The following EBF1 variants were observed in gnomAD, a reference collection of about 807,000 sequenced individuals.
The protein encoded by EBF1 is transcription factor COE1.
EBF1 carries 10 observed loss-of-function variants against 68.4 expected under a neutral mutation model. The observed-to-expected ratio is 0.15, with a 90% CI of 0.09 to 0.25. EBF1 has a LOEUF of 0.25. Ranked by LOEUF, EBF1 falls within the 10% of genes least tolerant of loss-of-function variation. The probability of loss-of-function intolerance (pLI) is 1.00; values close to 1 mark genes in which losing one functional copy is unlikely to be tolerated. For missense variants in EBF1, 509 were observed against 794.4 expected, an observed-to-expected ratio of 0.64 and a Z score of 4.32; for synonymous variants, 298 against 299.8, an observed-to-expected ratio of 0.99 and a Z score of 0.06.
chr5:158,724,319 CGAGAAA>C (rs1402875230), intron 11 of EBF1, among the ~76,000 whole-genome samples: 2 of 152,014 alleles, frequency 1.3e-5, no homozygotes, highest in Admixed American at 1.3e-4. Flanking sequence ...AGTAAATACA[CGAGAAA>C]GAGAAAGAGA....
At chr5:158,880,415 A>C (rs1798674388) in intron 6 of EBF1, among the ~76,000 whole-genome samples, 1 of 152,218 alleles carries the variant, frequency 6.6e-6, no homozygotes, top group African/African-American at 2.4e-5. Context: ...CGAAAAATTT[A>C]TTCTCAATCT....
intron 6 of EBF1, among the ~76,000 whole-genome samples, chr5:159,017,482 T>C (rs929837750): frequency 1.3e-5 from 2 of 152,178 alleles, no homozygotes; most frequent in Non-Finnish European, 2.9e-5. Flanking sequence ...GCTTGCCATC[T>C]CTCTCAACCC....
intron 6 of EBF1, among the ~76,000 whole-genome samples, chr5:158,894,195 T>C (rs1438092195): frequency 1.3e-5 from 2 of 152,212 alleles, no homozygotes; most frequent in Non-Finnish European, 2.9e-5. Context: ...AGAGTATTGA[T>C]TGCATCATGA....
At chr5:159,003,017 G>A (rs989369878) in intron 6 of EBF1, among the ~76,000 whole-genome samples, 2 of 152,202 alleles carry the variant, frequency 1.3e-5, no homozygotes, top group African/African-American at 4.8e-5. Flanking sequence ...AGTTTGGGAT[G>A]CTTCTACTGC....
intron 10 of EBF1, among the ~76,000 whole-genome samples, chr5:158,757,733 C>T (rs921607599): frequency 3.9e-5 from 6 of 152,042 alleles, no homozygotes; most frequent in Non-Finnish European, 7.4e-5. Flanking sequence ...TGTAATACAG[C>T]GATAATAATA....
chr5:158,998,897 G>A (rs1192898711), intron 6 of EBF1, among the ~76,000 whole-genome samples: 1 of 152,066 alleles, frequency 6.6e-6, no homozygotes, highest in Non-Finnish European at 1.5e-5. Context: ...GGATCGCGAT[G>A]TATATTATGT....
chr5:158,961,909 A>G (rs1429423503), intron 6 of EBF1, among the ~76,000 whole-genome samples: 1 of 152,214 alleles, frequency 6.6e-6, no homozygotes. Context: ...AGAAAGTCTT[A>G]TTCCAGATGA....
chr5:158,942,715 T>C (rs1298933210), intron 6 of EBF1, among the ~76,000 whole-genome samples: 1 of 151,882 alleles, frequency 6.6e-6, no homozygotes, highest in African/African-American at 2.4e-5. Flanking sequence ...TTTAATACAC[T>C]GTAAGGAGAA....
At chr5:158,744,386 G>A (rs773290419) in intron 10 of EBF1, among the ~76,000 whole-genome samples, 5 of 151,980 alleles carry the variant, frequency 3.3e-5, no homozygotes, top group South Asian at 2.1e-4. Context: ...ACCGAAACGA[G>A]GAACTCAAAA....
chr5:158,706,802 C>G (rs1272880949), intron 15 of EBF1, among the ~76,000 whole-genome samples: 1 of 152,190 alleles, frequency 6.6e-6, no homozygotes, highest in Non-Finnish European at 1.5e-5. Context: ...GGTATTTACC[C>G]TCTTTAAGCT....
intron 7 of EBF1, among the ~76,000 whole-genome samples, chr5:158,839,118 G>A (rs1789573794): frequency 6.6e-6 from 1 of 152,206 alleles, no homozygotes; most frequent in South Asian, 2.1e-4. Context: ...ACCATTTTGT[G>A]TCTTAGAAGT....
intron 6 of EBF1, among the ~76,000 whole-genome samples, chr5:158,942,848 C>T (rs1399808696): frequency 1.5e-5 from 2 of 129,710 alleles, no homozygotes; most frequent in Non-Finnish European, 3.1e-5. Flanking sequence ...AGAATGTGGT[C>T]GAAGGAGGAG....
At chr5:159,039,600 A>G (rs1442872561) in intron 6 of EBF1, among the ~76,000 whole-genome samples, 1 of 152,248 alleles carries the variant, frequency 6.6e-6, no homozygotes, top group Non-Finnish European at 1.5e-5. Context: ...CAGTTGTTAA[A>G]GTAACTTCGC....
intron 10 of EBF1, among the ~76,000 whole-genome samples, chr5:158,773,374 T>C (rs1384320125): frequency 6.6e-6 from 1 of 152,142 alleles, no homozygotes; most frequent in Non-Finnish European, 1.5e-5. Context: ...CACAGGCTAA[T>C]ACACAGGAAT....
intron 6 of EBF1, among the ~76,000 whole-genome samples, chr5:158,900,579 A>C (rs1461855444): frequency 6.6e-6 from 1 of 152,174 alleles, no homozygotes; most frequent in Non-Finnish European, 1.5e-5. Flanking sequence ...CTGACCCCTA[A>C]CTACTTCCTT....
intron 6 of EBF1, among the ~76,000 whole-genome samples, chr5:159,018,289 C>G (rs1319797879): frequency 6.6e-6 from 1 of 152,204 alleles, no homozygotes; most frequent in African/African-American, 2.4e-5. Context: ...ACAGTGGCTT[C>G]AACTATGATG....
At chr5:158,725,901 A>G (rs762466983) in intron 11 of EBF1, among the ~76,000 whole-genome samples, 8 of 152,240 alleles carry the variant, frequency 5.3e-5, no homozygotes, top group Non-Finnish European at 8.8e-5. Flanking sequence ...CAAATTTTGC[A>G]ATATCATTCA....
intron 6 of EBF1, among the ~76,000 whole-genome samples, chr5:159,063,386 G>C (rs1776200756): frequency 6.6e-6 from 1 of 152,168 alleles, no homozygotes; most frequent in South Asian, 2.1e-4. Flanking sequence ...TGAGCTAAAA[G>C]GTGACTTTAA....
chr5:158,833,006 C>T (rs74383644), intron 7 of EBF1, among the ~76,000 whole-genome samples: 6,818 of 152,082 alleles, frequency 0.045, 528 homozygotes, highest in African/African-American at 0.16. Context: ...TTTGCTATTC[C>T]CTTTGCTCAG....
Sources: allele counts gnomAD v4.1 joint callset (sites outside exome capture counted in the v4.1 genomes callset), GRCh38; gene constraint gnomAD v4.1.1; transcripts MANE v1.5; gene names NCBI Gene and HGNC (gene_info 2026-07-23, HGNC 2026-07-21).